PXDNL: variants seen among roughly 807,000 people sequenced by gnomAD.
PXDNL encodes peroxidasin like, also known as probable oxidoreductase PXDNL.
A neutral mutation model predicts 150.8 loss-of-function variants in PXDNL; 145 were observed. That is an observed-to-expected ratio of 0.96 (90% CI 0.84 to 1.10). The LOEUF is 1.10. Ranked by LOEUF, PXDNL falls within the 50% of genes least tolerant of loss-of-function variation. The pLI is 0.00. For missense variants in PXDNL, 2,087 were observed against 1,873.9 expected, an observed-to-expected ratio of 1.11 and a Z score of -2.10; for synonymous variants, 757 against 725.7, an observed-to-expected ratio of 1.04 and a Z score of -0.69.
chr8:51,735,555 T>TTTTTTTTTTTTG (rs1817020322), intron 1 of PXDNL, among the ~76,000 whole-genome samples: 1 of 114,712 alleles, frequency 8.7e-6, no homozygotes, highest in African/African-American at 3.5e-5. Context: ...TTTTTTTTTT[T>TTTTTTTTTTTTG]TTTTTTTTTG....
At chr8:51,715,753 T>C (rs1205394459) in intron 1 of PXDNL, among the ~76,000 whole-genome samples, 1 of 152,184 alleles carries the variant, frequency 6.6e-6, no homozygotes, top group African/African-American at 2.4e-5. Context: ...GTACCAGGTG[T>C]CAGCTGACTC....
At chr8:51,417,021 A>T (rs1020195522) in intron 14 of PXDNL, among the ~76,000 whole-genome samples, 1 of 152,194 alleles carries the variant, frequency 6.6e-6, no homozygotes, top group African/African-American at 2.4e-5. Flanking sequence ...ACAAACTGCA[A>T]AAATATTTTT....
intron 4 of PXDNL, among the ~76,000 whole-genome samples, chr8:51,548,716 A>T (rs10464942): frequency 0.11 from 16,561 of 152,176 alleles, 1,737 homozygotes; most frequent in African/African-American, 0.26. Flanking sequence ...ACACCAAAAT[A>T]GAACCTCTGT....
At chr8:51,621,943 C>CAAAAAAAAA (rs71237221) in intron 2 of PXDNL, among the ~76,000 whole-genome samples, 1 of 128,208 alleles carries the variant, frequency 7.8e-6, no homozygotes. Context: ...GACCCTGTCT[C>CAAAAAAAAA]AAAAAAAAAA....
At chr8:51,324,009 A>G (rs6998855) in intron 21 of PXDNL, among the ~76,000 whole-genome samples, 50,924 of 151,656 alleles carry the variant, frequency 0.34, 10,217 homozygotes, top group African/African-American at 0.56. Flanking sequence ...TGGCACTTTT[A>G]TTCCAGGCTT....
chr8:51,475,391 CTT>C (rs1810449653), intron 6 of PXDNL, among the ~76,000 whole-genome samples: 1 of 151,134 alleles, frequency 6.6e-6, no homozygotes, highest in Non-Finnish European at 1.5e-5. Flanking sequence ...GTGGTTTTCC[CTT>C]AATGTGCACT....
rs79222227 is a variant in PXDNL at position 51,417,431 on chromosome 8, G to A, written c.1796-4173C>T. Among the ~76,000 whole-genome samples the A allele has an allele frequency of 9.8e-3, 1,489 of 152,254 alleles. 22 individuals carry two copies. The highest frequency in any genetic ancestry group is 0.034 in the African/African-American group (1,415 of 41,544). ...TCAGAAAAGGGGGAGCTTAGGCCAC[G>A]TGGCCACTCACTGCTCTGCATGAAA... On this transcript the variant is annotated intron_variant, in intron 14 of 22. Transcript: ENST00000356297.
intron 1 of PXDNL, among the ~76,000 whole-genome samples, chr8:51,758,536 A>G (rs1418806740): frequency 6.6e-6 from 1 of 152,198 alleles, no homozygotes. Context: ...CATAATCCCC[A>G]TGTGTCAAGG....
intron 1 of PXDNL, among the ~76,000 whole-genome samples, chr8:51,791,643 C>G (rs1436426921): frequency 6.6e-6 from 1 of 152,172 alleles, no homozygotes; most frequent in Admixed American, 6.5e-5. Flanking sequence ...CTTATCAACC[C>G]TGCCGGTGCA....
chr8:51,416,301 C>A (rs2129669398), intron 14 of PXDNL, among the ~76,000 whole-genome samples: 1 of 152,318 alleles, frequency 6.6e-6, no homozygotes, highest in African/African-American at 2.4e-5. Flanking sequence ...AGGCTATTCA[C>A]AATGGTGGAC....
chr8:51,741,685 T>C (rs1200477211), intron 1 of PXDNL, among the ~76,000 whole-genome samples: 1 of 152,188 alleles, frequency 6.6e-6, no homozygotes, highest in African/African-American at 2.4e-5. Flanking sequence ...AATAGAGCCA[T>C]ACAAATCTAT....
At chr8:51,782,677 T>C (rs1281708762) in intron 1 of PXDNL, among the ~76,000 whole-genome samples, 2 of 152,234 alleles carry the variant, frequency 1.3e-5, no homozygotes, top group African/African-American at 4.8e-5. Context: ...CACTCCTTTA[T>C]GGCGTGCTAA....
At chr8:51,755,889 G>A (rs12678680) in intron 1 of PXDNL, among the ~76,000 whole-genome samples, 17,158 of 152,086 alleles carry the variant, frequency 0.11, 1,157 homozygotes, top group Middle Eastern at 0.14. Context: ...ATTTTTAGGC[G>A]ATATTTAGAC....
chr8:51,447,241 G>T, intron 11 of PXDNL, 79 bp from the exon 12 acceptor site: 2 of 1,456,324 alleles, frequency 1.4e-6, no homozygotes, highest in Non-Finnish European at 9.4e-7. Context: ...CTGGCTAAAG[G>T]GTGAGGCCTG....
chr8:51,420,440 A>G lies in PXDNL; in HGVS notation c.1795+3135T>C, dbSNP rs567604219. Among the ~76,000 whole-genome samples, 514 of 152,242 alleles carry G rather than the reference A, an allele frequency of 3.4e-3. 6 individuals are homozygous for G. Among genetic ancestry groups the G allele is most frequent in the African/African-American group, 0.012 (491 of 41,546 alleles). On this transcript the variant is annotated intron_variant, in intron 14 of 22. Coordinates refer to ENST00000356297, the MANE Select transcript of PXDNL (RefSeq NM_144651.5). The stretch of plus-strand genomic sequence containing the variant: ...AAAACTTTTAAATTTGTATTCTTTC[A>G]TCTTTCTTTTACTTTATTAAAAAAT...
chr8:51,335,109 A>C (rs377254510), intron 21 of PXDNL, among the ~76,000 whole-genome samples: 1 of 152,308 alleles, frequency 6.6e-6, no homozygotes, highest in African/African-American at 2.4e-5. Context: ...GAACAGTTCT[A>C]ATGTATGCAT....
intron 2 of PXDNL, among the ~76,000 whole-genome samples, chr8:51,625,294 A>G (rs1340554442): frequency 1.3e-5 from 2 of 152,210 alleles, no homozygotes; most frequent in Non-Finnish European, 2.9e-5. Flanking sequence ...CAATAGAGAA[A>G]AAAGCGATGT....
chr8:51,671,065 G>A (rs1158357136), intron 1 of PXDNL, among the ~76,000 whole-genome samples: 1 of 152,160 alleles, frequency 6.6e-6, no homozygotes, highest in African/African-American at 2.4e-5. Context: ...TCTTTGTAAA[G>A]GTCATTTCTG....
intron 21 of PXDNL, among the ~76,000 whole-genome samples, chr8:51,327,019 CA>C (rs1012919909): frequency 3.3e-5 from 5 of 151,934 alleles, no homozygotes; most frequent in Admixed American, 3.3e-4. Context: ...ATCTACAAGC[CA>C]AAAAACATCA....
Sources: gnomAD v4.1 joint callset for allele counts (sites outside exome capture counted in the v4.1 genomes callset) on GRCh38, gnomAD v4.1.1 for gene constraint, MANE v1.5 for transcripts, NCBI Gene and HGNC (gene_info 2026-07-23, HGNC 2026-07-21) for gene names.